XKR4: variants seen among roughly 807,000 people sequenced by gnomAD.
XKR4 encodes XK-related protein 4.
Under a neutral mutation model 53.9 loss-of-function variants are expected in XKR4, and 12 were observed. The observed-to-expected ratio is 0.22, with a 90% CI of 0.14 to 0.36. The LOEUF (loss-of-function observed/expected upper bound fraction) is 0.36. Among genes scored for constraint, XKR4 ranks in the 10% least tolerant of loss-of-function variants. XKR4 has a pLI of 1.00. For synonymous variants in XKR4, 354 were observed against 362.4 expected (o/e 0.98, Z 0.26); for missense variants, 799 against 859.5 (o/e 0.93, Z 0.88).
At chr8:55,303,397 G>C (rs1819235988) in intron 1 of XKR4, among the ~76,000 whole-genome samples, 1 of 152,086 alleles carries the variant, frequency 6.6e-6, no homozygotes, top group Non-Finnish European at 1.5e-5. Context: ...GATTCGGTTT[G>C]CCAGTATTTT....
chr8:55,429,360 A>G (rs1805065155), intron 2 of XKR4, among the ~76,000 whole-genome samples: 2 of 152,176 alleles, frequency 1.3e-5, no homozygotes, highest in South Asian at 4.1e-4. Context: ...GGGGATCTAG[A>G]GCAAAGAGTT....
intron 1 of XKR4, among the ~76,000 whole-genome samples, chr8:55,197,720 T>C (rs1295736045): frequency 6.6e-6 from 1 of 152,092 alleles, no homozygotes; most frequent in African/African-American, 2.4e-5. Context: ...GTTTTTTGTA[T>C]TTTTAGTAGA....
chr8:55,261,887 TA>T (rs879520449), intron 1 of XKR4, among the ~76,000 whole-genome samples: 112 of 148,666 alleles, frequency 7.5e-4, no homozygotes, highest in East Asian at 4.2e-3. Context: ...CTTTTTTTTT[TA>T]AAAAAAAGTA....
At chr8:55,189,587 T>C (rs756753363) in intron 1 of XKR4, among the ~76,000 whole-genome samples, 2 of 152,142 alleles carry the variant, frequency 1.3e-5, no homozygotes, top group Non-Finnish European at 2.9e-5. Context: ...CATCTAAACA[T>C]AGAAAAGGTA....
intron 1 of XKR4, among the ~76,000 whole-genome samples, chr8:55,125,504 G>A (rs1247287651): frequency 6.6e-6 from 1 of 152,200 alleles, no homozygotes; most frequent in Non-Finnish European, 1.5e-5. Flanking sequence ...AAAGTCCTGG[G>A]ATTACAGGCA....
rs1421049685 is a variant in XKR4, at chr8:55,528,167, C to T, written c.*3940C>T. The T allele has an allele frequency of 6.6e-6, 1 of 152,184 alleles. No individual in the cohort carries two copies. Among genetic ancestry groups the T allele is most frequent in the Non-Finnish European group, 1.5e-5 (1 of 68,026 alleles). 9.4% of individuals were successfully genotyped at this position (152,184 alleles called of 1,614,324 possible). On this transcript the variant is annotated 3_prime_UTR_variant, in exon 3 of 3. Transcript: ENST00000327381. ...GCTCCTTTTTCAAAACCAACCCAAG[C>T]TTACAGTCCATCTATAAGACCAACA... is the stretch of plus-strand genomic sequence containing the variant.
In XKR4 at chr8:55,351,232, AT is replaced by A. The variant is rs1047018867; in HGVS notation, c.807-6437del. Among the ~76,000 whole-genome samples, 18 of 151,286 alleles carry A rather than the reference AT, an allele frequency of 1.2e-4. No individual in the cohort carries two copies. In the South Asian group the frequency reaches 1.9e-3, roughly 16 times the overall value. On this transcript the variant is annotated intron_variant, in intron 1 of 2. Coordinates refer to ENST00000327381, the MANE Select transcript of XKR4 (RefSeq NM_052898.2). ...CATTCAGGACCTGAAAATAGCTTTT[AT>A]TTTTTTTTGTCATCCTTGGTTTATA...
rs545102457 is a variant in XKR4, at chr8:55,515,878, T to A, written c.1007-7403T>A. On this transcript the variant is annotated intron_variant, in intron 2 of 2. Coordinates refer to ENST00000327381, the MANE Select transcript of XKR4 (RefSeq NM_052898.2). Reference sequence around the variant, plus strand: ...CAGCCTGCCATGTACCCCGTGAGTGTGAACTGTGGGAGATTTGAGATGTCC... The same window carrying A: ...CAGCCTGCCATGTACCCCGTGAGTGAGAACTGTGGGAGATTTGAGATGTCC... Among the ~76,000 whole-genome samples the A allele has an allele frequency of 7.9e-5, 12 of 152,316 alleles. 1 individual carries two copies. The highest frequency in any genetic ancestry group is 2.6e-4 in the African/African-American group (11 of 41,566).
Position 55,357,786 on chromosome 8 carries a change from G to C in XKR4, c.915G>C (p.Leu305=), listed in dbSNP as rs777017823. Residue 305 remains leucine, a synonymous_variant, in exon 2 of 3, where the codon CTG becomes CTC. Transcript: ENST00000327381. ...ATGAGTATGCGGATGTGAGTATGCT[G>C]CATTTGCTAGCCACCTTTCTGGAAA... ...MVYEYADVSM[L]HLLATFLESA... 1.1e-5 allele frequency: 17 copies of C among 1,614,052 alleles called. No homozygotes were observed. Among genetic ancestry groups the C allele is most frequent in the Non-Finnish European group, 1.4e-5 (17 of 1,180,022 alleles).
At chr8:55,192,936 G>C (rs1461352704) in intron 1 of XKR4, among the ~76,000 whole-genome samples, 2 of 152,080 alleles carry the variant, frequency 1.3e-5, no homozygotes, top group African/African-American at 4.8e-5. Context: ...GTGGATGTGT[G>C]ACCAGCAGGG....
intron 2 of XKR4, among the ~76,000 whole-genome samples, chr8:55,445,633 T>G (rs577364578): frequency 1.3e-5 from 2 of 152,104 alleles, no homozygotes; most frequent in Non-Finnish European, 2.9e-5. Flanking sequence ...AAGTGGTTTC[T>G]CAGAGCATGT....
chr8:55,410,124 A>G (rs1245305924), intron 2 of XKR4, among the ~76,000 whole-genome samples: 1 of 151,404 alleles, frequency 6.6e-6, no homozygotes, highest in African/African-American at 2.4e-5. Flanking sequence ...TGGAAATGGT[A>G]AAAGTTCTCC....
At chr8:55,474,418 T>C (rs952273090) in intron 2 of XKR4, among the ~76,000 whole-genome samples, 3 of 152,168 alleles carry the variant, frequency 2.0e-5, no homozygotes, top group African/African-American at 7.2e-5. Flanking sequence ...CTCTACATAT[T>C]TGTATACACA....
intron 2 of XKR4, among the ~76,000 whole-genome samples, chr8:55,444,896 G>A (rs894796194): frequency 3.3e-5 from 5 of 151,976 alleles, no homozygotes; most frequent in Non-Finnish European, 7.4e-5. Context: ...ATTCATAGCA[G>A]CATTATCTAT....
rs551090414 is a variant in XKR4 at position 55,535,916 on chromosome 8, G to A, written c.*11689G>A. On this transcript the variant is annotated 3_prime_UTR_variant, in exon 3 of 3. Transcript: ENST00000327381. ...ACCACTGGTCCCTATGGGCTCTGCA[G>A]GAGAGCTTCTCGTGGGTTCTAAGAT... 2.0e-5 allele frequency: 3 copies of A among 152,324 alleles called. No homozygotes were observed. Among genetic ancestry groups the A allele is most frequent in the Non-Finnish European group, 4.4e-5 (3 of 68,026 alleles). 9.4% of individuals were successfully genotyped at this position (152,324 alleles called of 1,614,324 possible).
intron 1 of XKR4, among the ~76,000 whole-genome samples, chr8:55,246,258 A>G (rs1013531506): frequency 5.3e-5 from 8 of 152,326 alleles, no homozygotes; most frequent in African/African-American, 1.7e-4. Flanking sequence ...CAAAGTTGGT[A>G]TGGATAGGAA....
chr8:55,478,347 G>T (rs1806037550), intron 2 of XKR4, among the ~76,000 whole-genome samples: 1 of 152,004 alleles, frequency 6.6e-6, no homozygotes, highest in Non-Finnish European at 1.5e-5. Flanking sequence ...ACAAGCAAAT[G>T]CTGAGAGATT....
At chr8:55,301,175 G>A (rs1398692488) in intron 1 of XKR4, among the ~76,000 whole-genome samples, 2 of 127,604 alleles carry the variant, frequency 1.6e-5, no homozygotes, top group Admixed American at 2.0e-4. Context: ...ACCCCGGAGT[G>A]TGATGTTCCC....
chr8:55,447,083 G>A (rs1201400570), intron 2 of XKR4, among the ~76,000 whole-genome samples: 1 of 151,692 alleles, frequency 6.6e-6, no homozygotes, highest in Non-Finnish European at 1.5e-5. Flanking sequence ...CAGAGGTTAG[G>A]AGTGAGGAAT....
Sources: allele counts gnomAD v4.1 joint callset (sites outside exome capture counted in the v4.1 genomes callset), GRCh38; gene constraint gnomAD v4.1.1; transcripts MANE v1.5; gene names NCBI Gene and HGNC (gene_info 2026-07-23, HGNC 2026-07-21).